Variants in ANKFN1 observed in about 807,000 individuals in gnomAD.
ANKFN1 encodes the protein ankyrin repeat and fibronectin type III domain containing 1.
In ANKFN1, 74 loss-of-function variants were observed where a neutral mutation model predicts 108.7. The ratio of observed to expected loss-of-function variants is 0.68; its 90% CI spans 0.56 to 0.83. ANKFN1 has a LOEUF of 0.83. Ranked by LOEUF, ANKFN1 falls within the 40% of genes least tolerant of loss-of-function variation. The pLI, the probability that ANKFN1 is intolerant of heterozygous loss-of-function variation, is 0.00. For missense variants in ANKFN1, 1,505 were observed against 1,382.3 expected (o/e 1.09, Z -1.41); for synonymous variants, 547 against 516.2 (o/e 1.06, Z -0.81).
intron 3 of ANKFN1, among the ~76,000 whole-genome samples, chr17:56,270,703 C>T (rs1408091116): frequency 2.6e-5 from 4 of 152,284 alleles, no homozygotes; most frequent in Middle Eastern, 3.4e-3. Flanking sequence ...TCAGCCCTTA[C>T]GATTCTCCTC....
At chr17:56,259,309 T>C (rs1481220162) in intron 3 of ANKFN1, among the ~76,000 whole-genome samples, 2 of 152,176 alleles carry the variant, frequency 1.3e-5, no homozygotes, top group East Asian at 3.8e-4. Context: ...AAAATTGCCA[T>C]TTCCACATCT....
intron 4 of ANKFN1, among the ~76,000 whole-genome samples, chr17:56,099,348 T>C (rs1266457516): frequency 1.3e-5 from 2 of 152,186 alleles, no homozygotes; most frequent in African/African-American, 2.4e-5. Flanking sequence ...CTCAGGTGAA[T>C]AGAATGCTGA....
chr17:56,516,114 T>G lies in ANKFN1; in HGVS notation c.*4845T>G, dbSNP rs1331811398. Among the ~76,000 whole-genome samples the G allele has an allele frequency of 2.0e-5, 3 of 152,210 alleles. No homozygotes were observed. The highest frequency in any genetic ancestry group is 6.6e-5 in the Admixed American group (1 of 15,266). ...TTCACAGTAATCACCCTCCAGTGAC[T>G]GATTTTCAAAAGCCAAGTGTGGCAA... On this transcript the variant is annotated 3_prime_UTR_variant, in exon 21 of 21. Coordinates refer to ENST00000682825, the MANE Select transcript of ANKFN1 (RefSeq NM_001370326.1).
At position 56,326,347 on chromosome 17, in the gene ANKFN1, C is replaced by A. The variant is rs754231539; in HGVS notation, c.180C>A (p.Ser60Arg). 1 of 1,608,874 alleles carries A rather than the reference C, an allele frequency of 6.2e-7. No homozygotes were observed. Among genetic ancestry groups the A allele is most frequent in the Non-Finnish European group, 8.5e-7 (1 of 1,178,452 alleles). ...CTTGTTCCTCTGCTGCCTCGAACAGCATAAACTGGTAAGTCAAATTTACTG... is the reference window on the plus strand; with the variant it reads ...CTTGTTCCTCTGCTGCCTCGAACAGAATAAACTGGTAAGTCAAATTTACTG... ...PTTCSSAASN[S>R]INWNCRVKMT... is the part of the protein sequence containing the mutation. The change falls in exon 4 of 21, where the codon AGC becomes AGA. Residue 60 changes from serine (S) to arginine (R), a missense_variant. By Grantham distance (110) the Ser-to-Arg change is moderately radical. Coordinates refer to ENST00000682825, the MANE Select transcript of ANKFN1 (RefSeq NM_001370326.1).
intron 3 of ANKFN1, among the ~76,000 whole-genome samples, chr17:56,272,358 T>C (rs2043814848): frequency 6.6e-6 from 1 of 152,200 alleles, no homozygotes; most frequent in Non-Finnish European, 1.5e-5. Flanking sequence ...TCTATCTCTA[T>C]GAATTTGACT....
At chr17:56,156,015 T>A (rs991728333) in intron 1 of ANKFN1, among the ~76,000 whole-genome samples, 3 of 151,958 alleles carry the variant, frequency 2.0e-5, no homozygotes, top group Admixed American at 6.6e-5. Context: ...GCTGACCTAT[T>A]GTGTAATTTG....
At chr17:56,090,873 G>T (rs893993832) in intron 4 of ANKFN1, among the ~76,000 whole-genome samples, 2 of 151,200 alleles carry the variant, frequency 1.3e-5, no homozygotes, top group African/African-American at 2.4e-5. Flanking sequence ...ATCCCAAAGT[G>T]CTGGGATTAC....
At chr17:56,160,571 T>C (rs1354980422) in intron 1 of ANKFN1, among the ~76,000 whole-genome samples, 1 of 152,324 alleles carries the variant, frequency 6.6e-6, no homozygotes, top group Non-Finnish European at 1.5e-5. Flanking sequence ...GCCACTTTGA[T>C]TACTGATGCT....
At position 56,457,924 on chromosome 17, in the gene ANKFN1, C is replaced by T. The variant is rs556357880; in HGVS notation, c.1502C>T (p.Ser501Leu). Residue 501 changes from serine (S) to leucine (L), a missense_variant, in exon 14 of 21, where the codon TCA (serine) becomes TTA (leucine). Ser to Leu is a moderately radical substitution (Grantham distance 145, BLOSUM62 -2). Transcript: ENST00000682825. Reference protein sequence around the residue: ...LRQSIPISSSSSTVLQTRQKM... With the variant: ...LRQSIPISSSLSTVLQTRQKM... ...CAAAGCATACCAATATCCTCATCCTCATCCACAGTGCTGCAAACTCGGCAG... is the reference window on the plus strand; with the variant it reads ...CAAAGCATACCAATATCCTCATCCTTATCCACAGTGCTGCAAACTCGGCAG... The T allele has an allele frequency of 9.3e-6, 15 of 1,614,128 alleles. No homozygotes were observed. Among genetic ancestry groups the T allele is most frequent in the African/African-American group, 4.0e-5 (3 of 75,044 alleles).
At chr17:56,170,351 A>G (rs1243274370) in intron 1 of ANKFN1, among the ~76,000 whole-genome samples, 2 of 152,176 alleles carry the variant, frequency 1.3e-5, no homozygotes, top group African/African-American at 4.8e-5. Flanking sequence ...TATAAGAGCT[A>G]TAAGAACTCA....
At chr17:56,173,551 C>CT (rs375466872) in intron 1 of ANKFN1, among the ~76,000 whole-genome samples, 15 of 148,298 alleles carry the variant, frequency 1.0e-4, no homozygotes, top group Middle Eastern at 3.5e-3. Flanking sequence ...ATTTTTGGCT[C>CT]TTTTTTTTTT....
Position 56,274,240 on chromosome 17 carries a change from G to A in ANKFN1, c.53+46283G>A, listed in dbSNP as rs191444602. ...TACATCCCAGCAACTTTGGGAGGCC[G>A]AGGCAGGCGGATCACGAGGTCAGGA... On this transcript the variant is annotated intron_variant, in intron 3 of 20. Coordinates refer to ENST00000682825, the MANE Select transcript of ANKFN1 (RefSeq NM_001370326.1). 1.9e-3 allele frequency among the ~76,000 whole-genome samples: 296 copies of A among 152,234 alleles called. 1 individual carries two copies. The highest frequency in any genetic ancestry group is 6.6e-3 in the African/African-American group (273 of 41,544).
chr17:56,338,265 A>G (rs2045869861), intron 4 of ANKFN1, among the ~76,000 whole-genome samples: 1 of 152,158 alleles, frequency 6.6e-6, no homozygotes, highest in Non-Finnish European at 1.5e-5. Flanking sequence ...GAACACTTGG[A>G]CACAGGGCGG....
At chr17:56,240,210 C>T (rs1274002432) in intron 3 of ANKFN1, among the ~76,000 whole-genome samples, 1 of 152,030 alleles carries the variant, frequency 6.6e-6, no homozygotes, top group African/African-American at 2.4e-5. Flanking sequence ...AATCACAATC[C>T]TGTATGCTTA....
At chr17:56,351,014 A>G (rs1324868663) in intron 5 of ANKFN1, 47 bp downstream of exon 5, 7 of 1,576,888 alleles carry the variant, frequency 4.4e-6, no homozygotes, top group Middle Eastern at 1.7e-4. Context: ...TTATTCATTT[A>G]TGTTTGGGTT....
intron 1 of ANKFN1, among the ~76,000 whole-genome samples, chr17:56,165,254 T>C (rs1910041841): frequency 6.6e-6 from 1 of 152,168 alleles, no homozygotes; most frequent in Non-Finnish European, 1.5e-5. Flanking sequence ...GCTCATGGCT[T>C]ACCAATTACT....
chr17:56,135,791 A>C (rs1404284908), intron 4 of ANKFN1, among the ~76,000 whole-genome samples: 1 of 152,190 alleles, frequency 6.6e-6, no homozygotes, highest in Non-Finnish European at 1.5e-5. Flanking sequence ...AATGAAAGAA[A>C]AAGTTTGAGG....
At chr17:56,177,620 C>T (rs1205433135) in intron 1 of ANKFN1, among the ~76,000 whole-genome samples, 1 of 152,186 alleles carries the variant, frequency 6.6e-6, no homozygotes, top group Non-Finnish European at 1.5e-5. Context: ...TCAGAATGTG[C>T]CTCACAAAAT....
chr17:56,258,932 A>C (rs1016229527), intron 3 of ANKFN1, among the ~76,000 whole-genome samples: 1 of 152,044 alleles, frequency 6.6e-6, no homozygotes, highest in Non-Finnish European at 1.5e-5. Flanking sequence ...AAGTAAATAA[A>C]TAAATAAATA....
Sources: gnomAD v4.1 joint callset for allele counts (sites outside exome capture counted in the v4.1 genomes callset) on GRCh38, gnomAD v4.1.1 for gene constraint, MANE v1.5 for transcripts, NCBI Gene and HGNC (gene_info 2026-07-23, HGNC 2026-07-21) for gene names.